Variants in DAB1 observed in about 807,000 individuals in gnomAD.
DAB1 encodes DAB adaptor protein 1.
In DAB1, 15 loss-of-function variants were observed where a neutral mutation model predicts 64.6. That is an observed-to-expected ratio of 0.23 (90% CI 0.16 to 0.36). DAB1 has a LOEUF of 0.36. Among genes scored for constraint, DAB1 ranks in the 10% least tolerant of loss-of-function variants. DAB1 has a pLI of 1.00. For synonymous variants in DAB1, 235 were observed against 251.9 expected (o/e 0.93, Z 0.64); for missense variants, 596 against 706.7 (o/e 0.84, Z 1.78).
rs1168740907 is a variant in DAB1 at position 58,462,113 on chromosome 1, C to CTTT, written n.257+43944_257+43946dup. On this transcript the variant is annotated intron_variant and non_coding_transcript_variant, in intron 3 of 20. Transcript: ENST00000485760. ...GATCCACGTCGATCTGAGAAGGTTT[C>CTTT]TTTTTTTTTTTTTTTTTTTTTTTTG... Among the ~76,000 whole-genome samples, 109 of 54,240 alleles carry CTTT rather than the reference C, an allele frequency of 2.0e-3. 1 individual carries two copies. The highest frequency in any genetic ancestry group is 2.5e-3 in the Non-Finnish European group (74 of 29,024). The allele number at this position is 54,240 out of a possible 152,430, so 35.6% of individuals were successfully genotyped here. A position where few individuals can be genotyped will look rare whatever the true frequency, so the allele number is the denominator to read the frequency against.
At chr1:57,553,382 AAG>A (rs60491103) in intron 7 of DAB1, among the ~76,000 whole-genome samples, 3 of 95,808 alleles carry the variant, frequency 3.1e-5, no homozygotes, top group South Asian at 3.9e-4. Flanking sequence ...GGAAGGAAGA[AAG>A]AGAAAGAAAG....
chr1:58,276,836 AGAATGATAGAGAT>A (rs1661457375), intron 4 of DAB1, among the ~76,000 whole-genome samples: 1 of 152,180 alleles, frequency 6.6e-6, no homozygotes, highest in African/African-American at 2.4e-5. Context: ...ATAGAAATAA[AGAATGATAGAGAT>A]CATGTAGATC....
At position 57,323,336 on chromosome 1, in the gene DAB1, C is replaced by T. The variant is rs540901765; in HGVS notation, c.-136-32170G>A. Among the ~76,000 whole-genome samples, 25 of 152,258 alleles carry T rather than the reference C, an allele frequency of 1.6e-4. No homozygotes were observed. The South Asian group carries it at 5.0e-3, about 30-fold the overall frequency. On this transcript the variant is annotated intron_variant, in intron 1 of 14. Coordinates refer to ENST00000371236, the MANE Select transcript of DAB1 (RefSeq NM_001365792.1). ...GAAGGCCAAGGAAGGCTTCCCAAAA[C>T]AGGTGGTGACTTTATTGAGTTATAG... is the stretch of plus-strand genomic sequence containing the variant.
Position 57,411,178 on chromosome 1 carries a change from C to A in DAB1, c.-137+12752G>T, listed in dbSNP as rs535592437. ...ACAATTTCCAGACATAATGGTGCTT[C>A]CTCACATAGTCAAAAACCCTGCCAG... On this transcript the variant is annotated intron_variant, in intron 1 of 14. Transcript: ENST00000371236. Among the ~76,000 whole-genome samples the A allele has an allele frequency of 2.1e-4, 32 of 152,288 alleles. No homozygotes were observed. In the East Asian group the frequency reaches 4.1e-3, roughly 19 times the overall value.
intron 4 of DAB1, among the ~76,000 whole-genome samples, chr1:57,092,418 A>C (rs568836874): frequency 6.6e-6 from 1 of 152,070 alleles, no homozygotes; most frequent in African/African-American, 2.4e-5. Flanking sequence ...GTTATCCCCC[A>C]TGCTGTTCTC....
intron 4 of DAB1, among the ~76,000 whole-genome samples, chr1:58,160,866 A>G (rs531381475): frequency 1.3e-5 from 2 of 152,198 alleles, no homozygotes; most frequent in South Asian, 2.1e-4. Context: ...TGTCACTAAT[A>G]TATGTTGAAG....
At chr1:57,197,789 C>A (rs1210048580) in intron 2 of DAB1, among the ~76,000 whole-genome samples, 1 of 152,184 alleles carries the variant, frequency 6.6e-6, no homozygotes, top group Non-Finnish European at 1.5e-5. Context: ...GAAGACAAAA[C>A]ATTTGTTTAA....
chr1:58,035,621 T>C (rs1182807200), intron 5 of DAB1, among the ~76,000 whole-genome samples: 2 of 152,340 alleles, frequency 1.3e-5, no homozygotes, highest in South Asian at 2.1e-4. Context: ...ATCTAAAACA[T>C]GTGTACTTCA....
At chr1:57,044,127 G>C (rs1277772520) in intron 9 of DAB1, among the ~76,000 whole-genome samples, 1 of 152,196 alleles carries the variant, frequency 6.6e-6, no homozygotes, top group Non-Finnish European at 1.5e-5. Flanking sequence ...CCTCCTCAGG[G>C]AGACCTTCTC....
intron 5 of DAB1, chr1:58,080,195 C>T (rs1004016089): frequency 6.6e-6 from 1 of 152,210 alleles, no homozygotes; most frequent in Admixed American, 6.5e-5. Context: ...GTAGAGACCC[C>T]AAATTCATGT....
intron 5 of DAB1, among the ~76,000 whole-genome samples, chr1:58,069,508 C>T (rs541297573): frequency 7.9e-5 from 12 of 152,020 alleles, no homozygotes; most frequent in African/African-American, 1.9e-4. Flanking sequence ...TGCACTGTGG[C>T]GGGCAATTGT....
intron 2 of DAB1, among the ~76,000 whole-genome samples, chr1:57,154,883 T>C (rs577749620): frequency 3.7e-4 from 57 of 152,330 alleles, no homozygotes; most frequent in African/African-American, 1.3e-3. Flanking sequence ...CAATTTTTGA[T>C]CAGCTTACTA....
chr1:57,223,527 C>A (rs913078561), intron 2 of DAB1, among the ~76,000 whole-genome samples: 1 of 152,138 alleles, frequency 6.6e-6, no homozygotes, highest in East Asian at 1.9e-4. Flanking sequence ...CTATGCTCAG[C>A]AGAGCTACGT....
chr1:58,404,733 A>T (rs1296532625), intron 3 of DAB1, among the ~76,000 whole-genome samples: 1 of 152,190 alleles, frequency 6.6e-6, no homozygotes, highest in African/African-American at 2.4e-5. Flanking sequence ...GCAAATCACT[A>T]ACCCTTTCCA....
chr1:57,394,314 T>G (rs1452037616), intron 1 of DAB1, among the ~76,000 whole-genome samples: 1 of 152,214 alleles, frequency 6.6e-6, no homozygotes. Context: ...GAAAACCACT[T>G]GCTTTCCAAC....
chr1:57,204,117 T>C (rs1665337606), intron 2 of DAB1, among the ~76,000 whole-genome samples: 1 of 152,160 alleles, frequency 6.6e-6, no homozygotes, highest in South Asian at 2.1e-4. Flanking sequence ...CTCAAACTCC[T>C]GACCTCAAGT....
At chr1:57,500,023 A>G (rs1441630243) in intron 7 of DAB1, among the ~76,000 whole-genome samples, 1 of 152,248 alleles carries the variant, frequency 6.6e-6, no homozygotes, top group Non-Finnish European at 1.5e-5. Flanking sequence ...AATTACCAGT[A>G]AGATATTTAT....
intron 5 of DAB1, among the ~76,000 whole-genome samples, chr1:58,068,324 A>G (rs1648989212): frequency 1.3e-5 from 2 of 152,242 alleles, no homozygotes; most frequent in Non-Finnish European, 2.9e-5. Context: ...TCCACGCAGT[A>G]GTGTTTTCTT....
At chr1:58,109,133 C>T (rs1651831673) in intron 5 of DAB1, among the ~76,000 whole-genome samples, 1 of 152,144 alleles carries the variant, frequency 6.6e-6, no homozygotes, top group Admixed American at 6.5e-5. Flanking sequence ...GTAATTCAGC[C>T]TTTTAACTGC....
Sources: allele counts gnomAD v4.1 joint callset (sites outside exome capture counted in the v4.1 genomes callset), GRCh38; gene constraint gnomAD v4.1.1; transcripts MANE v1.5; gene names NCBI Gene and HGNC (gene_info 2026-07-23, HGNC 2026-07-21).